Variants in GALNT8 observed in about 807,000 individuals in gnomAD.
GALNT8 encodes probable polypeptide N-acetylgalactosaminyltransferase 8.
A neutral mutation model predicts 62.7 loss-of-function variants in GALNT8; 66 were observed. The ratio of observed to expected loss-of-function variants is 1.05; its 90% confidence interval spans 0.86 to 1.29. GALNT8 has a LOEUF of 1.29. Ranked by LOEUF, GALNT8 falls within the 50% of genes most tolerant of loss-of-function variation. The pLI is 0.00. For missense variants in GALNT8, 771 were observed against 791.8 expected, an observed-to-expected ratio of 0.97 and a Z score of 0.32; for synonymous variants, 288 against 294.3, an observed-to-expected ratio of 0.98 and a Z score of 0.22.
chr12:4,724,273 C>G (rs1180374721), intron 1 of GALNT8, among the ~76,000 whole-genome samples: 2 of 151,768 alleles, frequency 1.3e-5, no homozygotes, highest in Admixed American at 1.3e-4. Context: ...GGATCAATGA[C>G]TCTAAGCCAG....
intron 1 of GALNT8, among the ~76,000 whole-genome samples, 160 bp downstream of exon 1, chr12:4,721,048 A>T (rs1416187521): frequency 6.6e-6 from 1 of 152,050 alleles, no homozygotes; most frequent in Admixed American, 6.5e-5. Flanking sequence ...TTCAAATGGG[A>T]GATGGGTATT....
intron 3 of GALNT8, among the ~76,000 whole-genome samples, chr12:4,742,654 A>C (rs1003120697): frequency 6.6e-6 from 1 of 152,158 alleles, no homozygotes; most frequent in Non-Finnish European, 1.5e-5. Flanking sequence ...TGGAGGAGGC[A>C]GGCTCGGATT....
At chr12:4,765,771 A>G (rs1488967729) in intron 10 of GALNT8, among the ~76,000 whole-genome samples, 1 of 152,150 alleles carries the variant, frequency 6.6e-6, no homozygotes, top group African/African-American at 2.4e-5. Flanking sequence ...TATGGCCACT[A>G]TGTCAAGAAC....
At chr12:4,745,003 T>G (rs1423433373) in intron 4 of GALNT8, among the ~76,000 whole-genome samples, 5 of 152,184 alleles carry the variant, frequency 3.3e-5, no homozygotes, top group Non-Finnish European at 7.3e-5. Flanking sequence ...GATTAGCCTT[T>G]GGTTATTTTA....
At chr12:4,751,845 G>C (rs1197552906) in intron 6 of GALNT8, among the ~76,000 whole-genome samples, 3 of 152,086 alleles carry the variant, frequency 2.0e-5, no homozygotes, top group Admixed American at 6.5e-5. Context: ...GCTGAAAATA[G>C]GATGTTAAAG....
chr12:4,744,327 C>T (rs1377690199), intron 3 of GALNT8, among the ~76,000 whole-genome samples, 190 bp from the exon 4 acceptor site: 1 of 152,176 alleles, frequency 6.6e-6, no homozygotes, highest in East Asian at 1.9e-4. Context: ...GGAATGATCA[C>T]AGTACACCTC....
At chr12:4,765,324 G>T in intron 9 of GALNT8, 55 bp from the exon 10 acceptor site, 1 of 1,445,324 alleles carries the variant, frequency 6.9e-7, no homozygotes, top group Non-Finnish European at 9.1e-7. Flanking sequence ...TCTCCTGCTG[G>T]CTGACAATGC....
At chr12:4,746,722 A>G (rs999874578) in intron 6 of GALNT8, among the ~76,000 whole-genome samples, 5 of 152,190 alleles carry the variant, frequency 3.3e-5, no homozygotes, top group African/African-American at 1.2e-4. Flanking sequence ...GATATAGTCT[A>G]ATCTAAGACA....
At chr12:4,772,337 G>A in intron 10 of GALNT8, 108 bp from the exon 11 acceptor site, 1 of 932,856 alleles carries the variant, frequency 1.1e-6, no homozygotes, top group South Asian at 1.5e-5. Context: ...GGAGCACTGA[G>A]GGGTCCCTCA....
intron 7 of GALNT8, among the ~76,000 whole-genome samples, chr12:4,761,665 C>G (rs1319072947): frequency 6.6e-6 from 1 of 151,700 alleles, no homozygotes; most frequent in Non-Finnish European, 1.5e-5. Context: ...CCAGGCTGGT[C>G]TGGAACTCCT....
rs1591577736 is a variant in GALNT8 at position 4,772,676 on chromosome 12, C to T, written c.*79C>T. ...TACTCCTAACACTCCCAGCTTCTTT[C>T]TCAATGAGAAAGAAAGCATGTGTAT... On this transcript the variant is annotated 3_prime_UTR_variant, in exon 11 of 11. Coordinates refer to ENST00000252318, the MANE Select transcript of GALNT8 (RefSeq NM_017417.2). 8.7e-7 allele frequency: 1 copy of T among 1,143,042 alleles called. No homozygotes were observed. The highest frequency in any genetic ancestry group is 1.3e-6 in the Non-Finnish European group (1 of 777,608). 70.8% of individuals were successfully genotyped at this position (1,143,042 alleles called of 1,614,324 possible).
Position 4,720,837 on chromosome 12 carries a change from G to T in GALNT8, c.160G>T (p.Gly54Trp), listed in dbSNP as rs187433578. The change falls in exon 1 of 11, where the codon GGG (glycine) becomes TGG (tryptophan). Residue 54 changes from glycine to tryptophan, a missense_variant. Physicochemically the swap from Gly to Trp is radical, Grantham distance 184. Transcript: ENST00000252318. ...ELPLHLNKRY[G>W]AVIKRLSHLE... is the part of the protein sequence containing the mutation. Reference sequence around the variant, plus strand: ...TCCTTTACATCTGAATAAACGCTACGGGGCAGTGATAAAGAGACTCTCCCA... The same window carrying T: ...TCCTTTACATCTGAATAAACGCTACTGGGCAGTGATAAAGAGACTCTCCCA... 1.2e-6 allele frequency: 2 copies of T among 1,611,166 alleles called. No individual in the cohort carries two copies. The highest frequency in any genetic ancestry group is 1.1e-5 in the South Asian group (1 of 91,042).
At chr12:4,733,179 A>C (rs999018085) in intron 2 of GALNT8, among the ~76,000 whole-genome samples, 14 of 152,268 alleles carry the variant, frequency 9.2e-5, no homozygotes, top group African/African-American at 3.4e-4. Context: ...TTTTGGTTAC[A>C]TTAGCCGTAT....
chr12:4,755,492 C>T (rs981529690), intron 6 of GALNT8, among the ~76,000 whole-genome samples: 4 of 152,176 alleles, frequency 2.6e-5, no homozygotes, highest in East Asian at 1.9e-4. Context: ...ATCAGTGATT[C>T]GCTACTGTCC....
At chr12:4,722,320 C>T (rs1946174731) in intron 1 of GALNT8, among the ~76,000 whole-genome samples, 1 of 152,092 alleles carries the variant, frequency 6.6e-6, no homozygotes. Flanking sequence ...GACCTAAGAT[C>T]GAATCCTGAT....
At chr12:4,750,437 A>G (rs963654261) in intron 6 of GALNT8, among the ~76,000 whole-genome samples, 2 of 151,938 alleles carry the variant, frequency 1.3e-5, no homozygotes, top group Admixed American at 6.6e-5. Context: ...AAGTGAGAAC[A>G]TGTGGTATTT....
At chr12:4,754,526 G>A (rs1946336042) in intron 6 of GALNT8, among the ~76,000 whole-genome samples, 1 of 152,068 alleles carries the variant, frequency 6.6e-6, no homozygotes, top group Non-Finnish European at 1.5e-5. Context: ...TGTTCCCTTA[G>A]GGCCCAAGGA....
intron 2 of GALNT8, among the ~76,000 whole-genome samples, chr12:4,732,243 A>G (rs1946224940): frequency 6.6e-6 from 1 of 152,258 alleles, no homozygotes; most frequent in African/African-American, 2.4e-5. Flanking sequence ...TGATATGAAT[A>G]AAGTTTATCT....
intron 2 of GALNT8, among the ~76,000 whole-genome samples, chr12:4,728,035 T>TG: frequency 6.6e-6 from 1 of 152,310 alleles, no homozygotes; most frequent in African/African-American, 2.4e-5. Context: ...TTTGTTATTA[T>TG]TTTTCTTTTT....
Sources: allele counts gnomAD v4.1 joint callset (sites outside exome capture counted in the v4.1 genomes callset), GRCh38; gene constraint gnomAD v4.1.1; transcripts MANE v1.5; gene names NCBI Gene and HGNC (gene_info 2026-07-23, HGNC 2026-07-21).